Variants in UNC13C observed in about 807,000 individuals in gnomAD.
UNC13C encodes unc-13 homolog C.
In UNC13C, 174 loss-of-function variants were observed where a neutral mutation model predicts 245.4. The observed-to-expected ratio is 0.71, with a 90% CI of 0.63 to 0.80. The LOEUF is 0.80. Among genes scored for constraint, UNC13C ranks in the 30% least tolerant of loss-of-function variants. The pLI is 0.00. For missense variants in UNC13C, 2,829 were observed against 2,602.9 expected (o/e 1.09, Z -1.89); for synonymous variants, 992 against 895.1 (o/e 1.11, Z -1.93).
intron 1 of UNC13C, among the ~76,000 whole-genome samples, chr15:54,007,317 T>G (rs539963860): frequency 6.6e-6 from 1 of 152,042 alleles, no homozygotes; most frequent in South Asian, 2.1e-4. Flanking sequence ...AAAGAGAAAG[T>G]CAAAAAGTCA....
At chr15:54,496,363 G>C (rs113850330) in intron 20 of UNC13C, among the ~76,000 whole-genome samples, 32 of 152,060 alleles carry the variant, frequency 2.1e-4, no homozygotes, top group African/African-American at 7.0e-4. Flanking sequence ...AAAGACATAT[G>C]GGGTTAAAAG....
chr15:54,039,316 T>A (rs1896716545), intron 2 of UNC13C, among the ~76,000 whole-genome samples: 1 of 152,248 alleles, frequency 6.6e-6, no homozygotes, highest in Non-Finnish European at 1.5e-5. Context: ...AAACTTCATT[T>A]AATTTTATTT....
At chr15:54,301,272 A>C (rs1327363395) in intron 13 of UNC13C, among the ~76,000 whole-genome samples, 1 of 143,848 alleles carries the variant, frequency 7.0e-6, no homozygotes, top group Non-Finnish European at 1.5e-5. Context: ...GGCCAAAATC[A>C]GTGTTCATTT....
At chr15:54,252,679 A>G (rs1056263632) in intron 8 of UNC13C, among the ~76,000 whole-genome samples, 1 of 152,196 alleles carries the variant, frequency 6.6e-6, no homozygotes, top group African/African-American at 2.4e-5. Context: ...TGGTGACACT[A>G]TATATGAGAT....
At chr15:54,341,643 G>A (rs188680441) in intron 17 of UNC13C, among the ~76,000 whole-genome samples, 2 of 152,194 alleles carry the variant, frequency 1.3e-5, no homozygotes, top group East Asian at 3.9e-4. Context: ...ACATGTATAT[G>A]CTTACTACCT....
the UNC13C span, among the ~76,000 whole-genome samples, chr15:53,970,810 C>T: frequency 2.6e-5 from 4 of 152,190 alleles, no homozygotes; most frequent in East Asian, 7.7e-4. Context: ...CCTGCATACC[C>T]CACACATGGA....
chr15:54,525,447 T>C (rs1566887972), intron 24 of UNC13C, 102 bp from the exon 25 acceptor site: 5 of 631,418 alleles, frequency 7.9e-6, no homozygotes, highest in Non-Finnish European at 1.3e-5. Context: ...AAAGCTTACA[T>C]GTTGTTTGAA....
the UNC13C span, among the ~76,000 whole-genome samples, chr15:53,903,055 TAA>T: frequency 6.6e-6 from 1 of 152,216 alleles, no homozygotes; most frequent in Admixed American, 6.5e-5. Flanking sequence ...CTGTTTGAAA[TAA>T]AGACAAGATA....
chr15:54,544,526 A>AT (rs1471458832), intron 26 of UNC13C, among the ~76,000 whole-genome samples: 3 of 152,228 alleles, frequency 2.0e-5, no homozygotes, highest in Non-Finnish European at 4.4e-5. Flanking sequence ...TGCAGATGAC[A>AT]TGATTGTATA....
intron 2 of UNC13C, among the ~76,000 whole-genome samples, chr15:54,089,597 T>C (rs1899446247): frequency 6.6e-6 from 1 of 152,218 alleles, no homozygotes; most frequent in Non-Finnish European, 1.5e-5. Flanking sequence ...TCCCATGTTA[T>C]TTTCTATTTC....
chr15:54,179,083 C>T (rs911948051), intron 4 of UNC13C, among the ~76,000 whole-genome samples: 9 of 152,104 alleles, frequency 5.9e-5, no homozygotes, highest in Admixed American at 5.9e-4. Flanking sequence ...GAAGCACCAA[C>T]CCAGCCAATT....
At chr15:54,151,632 G>C (rs2032520843) in intron 4 of UNC13C, among the ~76,000 whole-genome samples, 1 of 152,110 alleles carries the variant, frequency 6.6e-6, no homozygotes, top group African/African-American at 2.4e-5. Context: ...TTGAACTCCT[G>C]AGCTCAGGCA....
chr15:53,955,288 C>G, the UNC13C span, among the ~76,000 whole-genome samples: 3 of 137,330 alleles, frequency 2.2e-5, no homozygotes, highest in African/African-American at 7.8e-5. Flanking sequence ...CACACACACA[C>G]ACACACACAC....
chr15:53,940,244 G>A, the UNC13C span, among the ~76,000 whole-genome samples: 2 of 151,988 alleles, frequency 1.3e-5, no homozygotes, highest in African/African-American at 2.4e-5. Flanking sequence ...AAGTTTTTGG[G>A]GTGGTTTGTC....
chr15:54,224,666 T>C (rs2035323715), intron 4 of UNC13C, among the ~76,000 whole-genome samples: 1 of 152,196 alleles, frequency 6.6e-6, no homozygotes, highest in Non-Finnish European at 1.5e-5. Flanking sequence ...ATAGAATGAG[T>C]CTAGAAGTAT....
At chr15:53,980,630 T>A (rs2140945326) in intron 1 of UNC13C, among the ~76,000 whole-genome samples, 1 of 152,230 alleles carries the variant, frequency 6.6e-6, no homozygotes, top group South Asian at 2.1e-4. Flanking sequence ...TTCAGTAAAA[T>A]TTGAAGGTGG....
chr15:53,959,212 T>C, the UNC13C span, among the ~76,000 whole-genome samples: 2 of 152,182 alleles, frequency 1.3e-5, no homozygotes, highest in African/African-American at 2.4e-5. Context: ...TTAGGTTGAT[T>C]CCATATTTTG....
At chr15:54,564,089 C>A (rs901479794) in intron 29 of UNC13C, among the ~76,000 whole-genome samples, 1 of 151,934 alleles carries the variant, frequency 6.6e-6, no homozygotes, top group Non-Finnish European at 1.5e-5. Context: ...GAGCCTATGG[C>A]GTATGTTATT....
chr15:54,053,181 A>ATATATTT (rs1297405493), intron 2 of UNC13C, among the ~76,000 whole-genome samples: 1 of 150,874 alleles, frequency 6.6e-6, no homozygotes, highest in Non-Finnish European at 1.5e-5. Context: ...CACCTGGCCA[A>ATATATTT]TTTATTTTTT....
Sources: allele counts gnomAD v4.1 joint callset (sites outside exome capture counted in the v4.1 genomes callset), GRCh38; gene constraint gnomAD v4.1.1; transcripts MANE v1.5; gene names NCBI Gene and HGNC (gene_info 2026-07-23, HGNC 2026-07-21).